STK32C: variants seen among roughly 807,000 people sequenced by gnomAD.
STK32C encodes the protein serine/threonine kinase 32C, also known as serine/threonine-protein kinase 32C.
Under a neutral mutation model 56.5 loss-of-function variants are expected in STK32C, and 31 were observed. The observed-to-expected ratio is 0.55, with a 90% CI of 0.41 to 0.74. The LOEUF is 0.74. Among genes scored for constraint, STK32C ranks in the 30% least tolerant of loss-of-function variants. The probability of loss-of-function intolerance (pLI) is 0.00; values close to 1 mark genes in which losing one functional copy is unlikely to be tolerated. For synonymous variants in STK32C, 309 were observed against 289.4 expected (o/e 1.07, Z -0.69); for missense variants, 544 against 676.9 (o/e 0.80, Z 2.18).
chr10:132,227,865 G>A, intron 3 of STK32C, 112 bp downstream of exon 3: 1 of 1,352,790 alleles, frequency 7.4e-7, no homozygotes, highest in Admixed American at 2.0e-5. Context: ...GGGTGGCAGA[G>A]GCATCTCCGA....
At chr10:132,248,122 C>G (rs2063754170) in intron 1 of STK32C, among the ~76,000 whole-genome samples, 1 of 152,206 alleles carries the variant, frequency 6.6e-6, no homozygotes, top group Non-Finnish European at 1.5e-5. Context: ...TGCTCCAGCA[C>G]CAGCAAAGCC....
chr10:132,282,932 GCCCCTC>G (rs2065260738), intron 1 of STK32C, among the ~76,000 whole-genome samples: 1 of 152,244 alleles, frequency 6.6e-6, no homozygotes, highest in Non-Finnish European at 1.5e-5. Context: ...TCCTGTCACA[GCCCCTC>G]TGAGGCTGGG....
At chr10:132,260,978 C>A (rs2064283684) in intron 1 of STK32C, among the ~76,000 whole-genome samples, 1 of 152,240 alleles carries the variant, frequency 6.6e-6, no homozygotes, top group South Asian at 2.1e-4. Context: ...GCTCTACCTC[C>A]GCTCAGTCCA....
At chr10:132,276,926 A>C (rs891011869) in intron 1 of STK32C, among the ~76,000 whole-genome samples, 6 of 152,158 alleles carry the variant, frequency 3.9e-5, no homozygotes, top group Admixed American at 3.9e-4. Flanking sequence ...ATCTGGGCTC[A>C]CTGAACGGCC....
chr10:132,266,238 G>A lies in STK32C; in HGVS notation c.263-20283C>T, dbSNP rs72856762. ...GGAAAGAAGCCAGGTTTACAAGAGCGCGTCGTGCGATTCTGTTTGTGTGAG... is the reference window on the plus strand; with the variant it reads ...GGAAAGAAGCCAGGTTTACAAGAGCACGTCGTGCGATTCTGTTTGTGTGAG... On this transcript the variant is annotated intron_variant, in intron 1 of 11. Coordinates refer to ENST00000298630, the MANE Select transcript of STK32C (RefSeq NM_173575.4). 7.7e-3 allele frequency among the ~76,000 whole-genome samples: 1,166 copies of A among 152,320 alleles called. 33 individuals carry two copies. In the South Asian group the frequency reaches 0.093, roughly 12 times the overall value.
chr10:132,280,204 T>C (rs1208207912), intron 1 of STK32C, among the ~76,000 whole-genome samples: 5 of 119,898 alleles, frequency 4.2e-5, no homozygotes, highest in African/African-American at 1.7e-4. Context: ...TCCATGACCA[T>C]GTCCCTGCAC....
chr10:132,293,134 G>A (rs1033056543), intron 1 of STK32C, among the ~76,000 whole-genome samples: 1 of 152,248 alleles, frequency 6.6e-6, no homozygotes, highest in African/African-American at 2.4e-5. Flanking sequence ...GTGCGGGGAG[G>A]GCAGCGCTGG....
intron 1 of STK32C, among the ~76,000 whole-genome samples, chr10:132,257,374 AG>A (rs11305993): frequency 0.32 from 47,865 of 151,846 alleles, 8,018 homozygotes; most frequent in Admixed American, 0.44. Flanking sequence ...AGGGGCTCCT[AG>A]GAAGAGGTGG....
At chr10:132,319,609 G>A (rs2066366860), downstream of STK32C, among the ~76,000 whole-genome samples, 1 of 152,226 alleles carries the variant, frequency 6.6e-6, no homozygotes, top group African/African-American at 2.4e-5. Context: ...TACCTAAAAT[G>A]TGCACCCCAT....
intron 1 of STK32C, among the ~76,000 whole-genome samples, chr10:132,264,947 T>A (rs2064448749): frequency 6.6e-6 from 1 of 152,266 alleles, no homozygotes; most frequent in South Asian, 2.1e-4. Context: ...GCCTCATCCA[T>A]CATACCCGTA....
chr10:132,323,552 C>A (rs1371571427), downstream of STK32C, among the ~76,000 whole-genome samples: 1 of 152,212 alleles, frequency 6.6e-6, no homozygotes, highest in Non-Finnish European at 1.5e-5. The surrounding 1 kb of genome is among the most constrained non-coding windows in gnomAD (Gnocchi z 4.8). Flanking sequence ...TCAGAGACGT[C>A]CATGTCTGAA....
intron 1 of STK32C, among the ~76,000 whole-genome samples, chr10:132,263,430 G>A (rs2064372573): frequency 6.6e-6 from 1 of 152,108 alleles, no homozygotes; most frequent in Admixed American, 6.6e-5. Flanking sequence ...TGGACACCGG[G>A]ACTGCGAGGC....
At chr10:132,223,586 G>C (rs1387942004) in intron 8 of STK32C, among the ~76,000 whole-genome samples, 1 of 152,268 alleles carries the variant, frequency 6.6e-6, no homozygotes, top group African/African-American at 2.4e-5. Context: ...CACCTGGGCA[G>C]GTGTGACTGA....
chr10:132,269,801 G>A (rs1426351507), intron 1 of STK32C, among the ~76,000 whole-genome samples: 1 of 152,202 alleles, frequency 6.6e-6, no homozygotes, highest in Non-Finnish European at 1.5e-5. Flanking sequence ...GCGGCACAGT[G>A]GGGGCAGTTC....
chr10:132,221,633 C>T (rs901437187), intron 10 of STK32C, among the ~76,000 whole-genome samples: 2 of 145,266 alleles, frequency 1.4e-5, no homozygotes, highest in African/African-American at 5.2e-5. Flanking sequence ...TCCCCCCACA[C>T]ACAACTGATG....
chr10:132,233,664 G>A (rs1156270550), intron 2 of STK32C, among the ~76,000 whole-genome samples: 1 of 152,220 alleles, frequency 6.6e-6, no homozygotes, highest in Admixed American at 6.5e-5. Context: ...ATGGCAGAGG[G>A]GGGTCTTTGT....
chr10:132,259,389 G>A (rs1404664387), intron 1 of STK32C, among the ~76,000 whole-genome samples: 1 of 152,226 alleles, frequency 6.6e-6, no homozygotes, highest in Non-Finnish European at 1.5e-5. Flanking sequence ...CCTGGTGGGA[G>A]GTGACTGGGT....
At chr10:132,214,803 G>A (rs965658554) in intron 10 of STK32C, among the ~76,000 whole-genome samples, 4 of 152,180 alleles carry the variant, frequency 2.6e-5, no homozygotes, top group Non-Finnish European at 5.9e-5. Context: ...GTCAGGTGAA[G>A]GTAGACTGTA....
chr10:132,282,221 G>A (rs188022742), intron 1 of STK32C, among the ~76,000 whole-genome samples: 142 of 152,318 alleles, frequency 9.3e-4, no homozygotes, highest in African/African-American at 3.0e-3. Context: ...CACCACGCCC[G>A]AGAGGCTTCG....
Sources: allele counts gnomAD v4.1 joint callset (sites outside exome capture counted in the v4.1 genomes callset), GRCh38; gene constraint gnomAD v4.1.1; non-coding constraint Gnocchi (gnomAD v3.1); transcripts MANE v1.5; gene names NCBI Gene and HGNC (gene_info 2026-07-23, HGNC 2026-07-21).